SRGAP1: variants seen among roughly 807,000 people sequenced by gnomAD.
SRGAP1 encodes SLIT-ROBO Rho GTPase-activating protein 1.
A neutral mutation model predicts 121.9 loss-of-function variants in SRGAP1; 43 were observed. The observed-to-expected ratio is 0.35, with a 90% CI of 0.28 to 0.46. SRGAP1 has a LOEUF of 0.46. SRGAP1 is among the 20% of genes least tolerant of loss of function. The pLI is 1.00. For missense variants in SRGAP1, 1,102 were observed against 1,350.9 expected (o/e 0.82, Z 2.89); for synonymous variants, 447 against 485.4 (o/e 0.92, Z 1.04).
chr12:64,142,001 T>A (rs187329021), intron 21 of SRGAP1, among the ~76,000 whole-genome samples: 3,230 of 151,794 alleles, frequency 0.021, 130 homozygotes, highest in African/African-American at 0.073. Flanking sequence ...AAGAAAAAAA[T>A]TTTTTTTTAA....
chr12:63,911,903 C>G (rs1232004364), intron 1 of SRGAP1, among the ~76,000 whole-genome samples: 2 of 152,092 alleles, frequency 1.3e-5, no homozygotes, highest in Non-Finnish European at 2.9e-5. Flanking sequence ...ATTGATTTTC[C>G]TTAGTCATTT....
chr12:64,115,657 A>G (rs2036506300), intron 17 of SRGAP1, among the ~76,000 whole-genome samples, 157 bp from the exon 18 acceptor site: 1 of 152,164 alleles, frequency 6.6e-6, no homozygotes, highest in Non-Finnish European at 1.5e-5. Context: ...GCTACTTGGG[A>G]GGCTGAGGTA....
At chr12:63,853,241 G>A (rs1168609644) in intron 1 of SRGAP1, among the ~76,000 whole-genome samples, 1 of 151,884 alleles carries the variant, frequency 6.6e-6, no homozygotes, top group Non-Finnish European at 1.5e-5. Flanking sequence ...GGCTGGTCTC[G>A]AACTCCTGAC....
intron 1 of SRGAP1, among the ~76,000 whole-genome samples, chr12:63,902,244 G>A (rs979119891): frequency 6.6e-6 from 1 of 152,152 alleles, no homozygotes; most frequent in Non-Finnish European, 1.5e-5. Context: ...AGGGAAAACA[G>A]CTAATTTTCA....
rs2037134517 is a variant in SRGAP1, at chr12:64,153,072, A to G, written c.*10400A>G. On this transcript the variant is annotated 3_prime_UTR_variant, in exon 22 of 22. Coordinates refer to ENST00000355086, the MANE Select transcript of SRGAP1 (RefSeq NM_020762.4). ...AAGCATTTTAGATGGGACAGCTTGAATGCCACCTTGGATGTGGTAGCATTT... is the reference window on the plus strand; with the variant it reads ...AAGCATTTTAGATGGGACAGCTTGAGTGCCACCTTGGATGTGGTAGCATTT... 1.3e-5 allele frequency: 2 copies of G among 151,926 alleles called. No homozygotes were observed. The highest frequency in any genetic ancestry group is 4.2e-4 in the South Asian group (2 of 4,808). 9.4% of individuals were successfully genotyped at this position (151,926 alleles called of 1,614,324 possible).
rs897755175 is a variant in SRGAP1 at position 64,153,240 on chromosome 12, T to C, written c.*10568T>C. The C allele has an allele frequency of 6.6e-6, 1 of 151,970 alleles. No homozygotes were observed. The highest frequency in any genetic ancestry group is 1.5e-5 in the Non-Finnish European group (1 of 68,018). The allele number at this position is 151,970 out of a possible 1,614,324, so 9.4% of individuals were successfully genotyped here. A position where few individuals can be genotyped will look rare whatever the true frequency, so the allele number is the denominator to read the frequency against. Reference sequence around the variant, plus strand: ...CACATTCACTGTGACTGTACCACCATAAGCAAGAAGCCCTGGAGATGAAAA... The same window carrying C: ...CACATTCACTGTGACTGTACCACCACAAGCAAGAAGCCCTGGAGATGAAAA... On this transcript the variant is annotated 3_prime_UTR_variant, in exon 22 of 22. Coordinates refer to ENST00000355086, the MANE Select transcript of SRGAP1 (RefSeq NM_020762.4).
intron 1 of SRGAP1, among the ~76,000 whole-genome samples, chr12:63,910,322 C>G: frequency 6.6e-6 from 1 of 152,088 alleles, no homozygotes; most frequent in Admixed American, 6.5e-5. Flanking sequence ...ATTGTTTCCC[C>G]CAATCTCTCT....
intron 6 of SRGAP1, among the ~76,000 whole-genome samples, chr12:64,054,032 C>A (rs17711166): frequency 6.6e-6 from 1 of 152,110 alleles, no homozygotes; most frequent in South Asian, 2.1e-4. Flanking sequence ...CAGTTCCACA[C>A]CTTCAAAATG....
intron 1 of SRGAP1, among the ~76,000 whole-genome samples, chr12:63,858,305 AT>A (rs1487362392): frequency 2.0e-5 from 3 of 150,226 alleles, no homozygotes; most frequent in African/African-American, 7.4e-5. Context: ...TTACTTTTTA[AT>A]AATGTCGCTG....
At chr12:64,030,971 GA>G (rs1294685240) in intron 4 of SRGAP1, among the ~76,000 whole-genome samples, 1 of 152,190 alleles carries the variant, frequency 6.6e-6, no homozygotes. Context: ...AACAGAACCA[GA>G]AGGAGATAAT....
At chr12:64,058,672 G>A (rs140850863) in intron 6 of SRGAP1, among the ~76,000 whole-genome samples, 1 of 152,104 alleles carries the variant, frequency 6.6e-6, no homozygotes, top group Non-Finnish European at 1.5e-5. Flanking sequence ...AAATGCACTT[G>A]GGCTATAACT....
chr12:63,845,726 T>A (rs1327691178), intron 1 of SRGAP1, among the ~76,000 whole-genome samples: 2 of 152,182 alleles, frequency 1.3e-5, no homozygotes, highest in African/African-American at 4.8e-5. Flanking sequence ...TTCGTAAACA[T>A]ATGTGTTACT....
intron 3 of SRGAP1, among the ~76,000 whole-genome samples, chr12:63,993,528 A>G (rs2033613347): frequency 6.6e-6 from 1 of 152,188 alleles, no homozygotes; most frequent in Admixed American, 6.5e-5. Flanking sequence ...AGATTTTGAG[A>G]CTTCCGCATG....
chr12:63,888,213 G>A (rs1900455957), intron 1 of SRGAP1: 1 of 152,196 alleles, frequency 6.6e-6, no homozygotes, highest in Non-Finnish European at 1.5e-5. Flanking sequence ...TCCAAGGGGA[G>A]CTGCTAGGTC....
chr12:64,091,775 A>G lies in SRGAP1; in HGVS notation c.1539+397A>G, dbSNP rs942937811. ...AACACAGCAGGAGTTTTGATTTCCCATGACTTGAGGAATTCATTATATTGA... is the reference window on the plus strand; with the variant it reads ...AACACAGCAGGAGTTTTGATTTCCCGTGACTTGAGGAATTCATTATATTGA... On this transcript the variant is annotated intron_variant, in intron 12 of 21. Transcript: ENST00000355086. The G allele has an allele frequency of 6.5e-6, 5 of 770,568 alleles. No individual in the cohort carries two copies. The African/African-American group carries it at 8.7e-5, about 13-fold the overall frequency. The allele number at this position is 770,568 out of a possible 1,614,324, so 47.7% of individuals were successfully genotyped here. A position where few individuals can be genotyped will look rare whatever the true frequency, so the allele number is the denominator to read the frequency against.
chr12:63,919,521 T>TAC (rs150017834), intron 1 of SRGAP1, among the ~76,000 whole-genome samples: 5 of 139,132 alleles, frequency 3.6e-5, no homozygotes, highest in Admixed American at 7.2e-5. Context: ...TATATATATA[T>TAC]ACACATACAC....
chr12:63,886,975 G>T (rs771438651), intron 1 of SRGAP1, among the ~76,000 whole-genome samples: 18 of 152,272 alleles, frequency 1.2e-4, no homozygotes, highest in Middle Eastern at 6.8e-3. Flanking sequence ...CTGGGTTCAA[G>T]CAATTCTTCT....
At chr12:63,948,248 C>T (rs2032115269) in intron 1 of SRGAP1, among the ~76,000 whole-genome samples, 1 of 152,178 alleles carries the variant, frequency 6.6e-6, no homozygotes, top group South Asian at 2.1e-4. Context: ...GCCTTAATTA[C>T]TTCTAATTTT....
chr12:63,906,881 T>C (rs2030237055), intron 1 of SRGAP1, among the ~76,000 whole-genome samples: 1 of 139,750 alleles, frequency 7.2e-6, no homozygotes, highest in Admixed American at 7.2e-5. Context: ...ATTATTTGTA[T>C]TTTTTTTTTT....
Sources: allele counts gnomAD v4.1 joint callset (sites outside exome capture counted in the v4.1 genomes callset), GRCh38; gene constraint gnomAD v4.1.1; transcripts MANE v1.5; gene names NCBI Gene and HGNC (gene_info 2026-07-23, HGNC 2026-07-21).